The following SLC4A8 variants were observed in gnomAD, a reference collection of about 807,000 sequenced individuals.
SLC4A8 encodes electroneutral sodium bicarbonate exchanger 1.
Under a neutral mutation model 125.0 loss-of-function variants are expected in SLC4A8, and 40 were observed. The observed-to-expected ratio is 0.32, with a 90% CI of 0.25 to 0.42. The LOEUF is 0.42. Ranked by LOEUF, SLC4A8 falls within the 10% of genes least tolerant of loss-of-function variation. The pLI is 1.00. For missense variants in SLC4A8, 863 were observed against 1,355.1 expected (o/e 0.64, Z 5.70); for synonymous variants, 456 against 476.0 (o/e 0.96, Z 0.55).
At chr12:51,396,858 G>A (rs2137914116) in intron 1 of SLC4A8, among the ~76,000 whole-genome samples, 1 of 150,884 alleles carries the variant, frequency 6.6e-6, no homozygotes. Context: ...AAAACTCACA[G>A]CATTACTTTA....
In SLC4A8 at chr12:51,459,989, C is replaced by T. The variant is rs747037266; in HGVS notation, c.894C>T (p.Ala298=). The change falls in exon 8 of 25, where the codon GCC becomes GCT. Residue 298 remains alanine, a synonymous_variant. Transcript: ENST00000453097. The part of the protein sequence containing the change: ...LHFMKKIPTG[A]EASNVLVGEV... The stretch of plus-strand genomic sequence containing the variant: ...TCATGAAAAAAATTCCTACTGGGGC[C>T]GAGGCCTCCAATGTCCTGGTTGGAG... 2.1e-5 allele frequency: 34 copies of T among 1,613,668 alleles called. No individual in the cohort carries two copies. Among genetic ancestry groups the T allele is most frequent in the Admixed American group, 1.3e-4 (8 of 60,018 alleles).
intron 22 of SLC4A8, among the ~76,000 whole-genome samples, chr12:51,502,847 T>TC (rs1177039644): frequency 1.3e-5 from 2 of 149,584 alleles, no homozygotes; most frequent in African/African-American, 4.9e-5. Flanking sequence ...ATTTTTTTTT[T>TC]TTTTTTTTTG....
chr12:51,444,639 C>T (rs1372923025), intron 2 of SLC4A8, among the ~76,000 whole-genome samples: 1 of 152,158 alleles, frequency 6.6e-6, no homozygotes, highest in Non-Finnish European at 1.5e-5. Context: ...TAGTCCCTTT[C>T]TGCAGTAATA....
At chr12:51,495,998 G>C (rs1041323876) in intron 21 of SLC4A8, among the ~76,000 whole-genome samples, 2 of 152,166 alleles carry the variant, frequency 1.3e-5, no homozygotes, top group Non-Finnish European at 2.9e-5. Context: ...GTATATGCCA[G>C]GAGTGGAATT....
At chr12:51,459,924 T>A in intron 7 of SLC4A8, 27 bp from the exon 8 acceptor site, 1 of 1,589,550 alleles carries the variant, frequency 6.3e-7, no homozygotes, top group Non-Finnish European at 8.6e-7. Flanking sequence ...GTTCCCAAGT[T>A]GTCAGATGTT....
chr12:51,430,230 G>A (rs1949145292), intron 1 of SLC4A8, among the ~76,000 whole-genome samples: 2 of 152,074 alleles, frequency 1.3e-5, no homozygotes, highest in Admixed American at 1.3e-4. Context: ...CATGTCTTAT[G>A]ATGGACCTGA....
At chr12:51,440,418 T>C (rs1455102839) in intron 1 of SLC4A8, among the ~76,000 whole-genome samples, 1 of 151,944 alleles carries the variant, frequency 6.6e-6, no homozygotes, top group Non-Finnish European at 1.5e-5. Flanking sequence ...CTGTTTTTTT[T>C]TTTTTTTAAA....
At chr12:51,421,421 C>T (rs1272270409), upstream of SLC4A8, among the ~76,000 whole-genome samples, 1 of 152,204 alleles carries the variant, frequency 6.6e-6, no homozygotes, top group East Asian at 1.9e-4. Flanking sequence ...GCCTCTGTGG[C>T]CTACTTCCTT....
At chr12:51,425,330 G>A in intron 1 of SLC4A8, 2 of 1,238,418 alleles carry the variant, frequency 1.6e-6, no homozygotes, top group Non-Finnish European at 2.0e-6. Context: ...TTCTCCTCGC[G>A]TCTTTCTGTT....
At chr12:51,430,399 G>A (rs1314012688) in intron 1 of SLC4A8, among the ~76,000 whole-genome samples, 11 of 152,080 alleles carry the variant, frequency 7.2e-5, no homozygotes, top group Admixed American at 5.9e-4. Flanking sequence ...TTTATGGTAA[G>A]CAGTCAGTAA....
At chr12:51,466,874 A>G (rs1339448783) in intron 11 of SLC4A8, among the ~76,000 whole-genome samples, 1 of 152,004 alleles carries the variant, frequency 6.6e-6, no homozygotes, top group East Asian at 1.9e-4. Context: ...TCTGTTGCTC[A>G]CAGACACTCC....
intron 1 of SLC4A8, among the ~76,000 whole-genome samples, chr12:51,397,730 T>C (rs193072686): frequency 6.6e-6 from 1 of 151,978 alleles, no homozygotes; most frequent in African/African-American, 2.4e-5. Flanking sequence ...GGTGCATTTT[T>C]AAAAATCTTT....
At chr12:51,440,953 A>T (rs557917412) in intron 2 of SLC4A8, 164 bp downstream of exon 2, 3 of 945,274 alleles carry the variant, frequency 3.2e-6, no homozygotes, top group Non-Finnish European at 4.4e-6. Flanking sequence ...AAAAGTGGGG[A>T]TACTAATACT....
Position 51,470,496 on chromosome 12 carries a change from G to T in SLC4A8, c.1629G>T (p.Val543=). 1 of 1,613,666 alleles carries T rather than the reference G, an allele frequency of 6.2e-7. No homozygotes were observed. Among genetic ancestry groups the T allele is most frequent in the Non-Finnish European group, 8.5e-7 (1 of 1,179,640 alleles). Residue 543 remains valine (V), a synonymous_variant, in exon 13 of 25, where the codon GTG becomes GTT. Transcript: ENST00000453097. ...TGGGAAGTACTGGACCAGTGCTTGT[G>T]TTTGAAAAGATTTTGTTCAAATTCT... The part of the protein sequence containing the change: ...TILGSTGPVL[V]FEKILFKFCK...
chr12:51,424,190 T>G (rs2138021056), upstream of SLC4A8, among the ~76,000 whole-genome samples: 1 of 152,248 alleles, frequency 6.6e-6, no homozygotes, highest in East Asian at 1.9e-4. Context: ...TTATTCATGA[T>G]ATTCTAACCT....
chr12:51,505,091 TTAA>T (rs1435085922), intron 23 of SLC4A8, among the ~76,000 whole-genome samples: 19 of 152,352 alleles, frequency 1.2e-4, no homozygotes, highest in South Asian at 6.2e-4. Flanking sequence ...GTCTTGGTTC[TTAA>T]TAAACTTTCT....
chr12:51,490,540 G>A (rs1457664831), intron 19 of SLC4A8, among the ~76,000 whole-genome samples: 2 of 141,070 alleles, frequency 1.4e-5, no homozygotes, highest in South Asian at 2.3e-4. Flanking sequence ...TCCAGCCAGG[G>A]CAACAGAGCG....
rs763615325 is a variant in SLC4A8, at chr12:51,469,704, T to G, written c.1440T>G (p.Ala480=). The G allele has an allele frequency of 1.0e-4, 169 of 1,613,956 alleles. No individual in the cohort carries two copies. Among genetic ancestry groups the G allele is most frequent in the Non-Finnish European group, 1.3e-4 (151 of 1,180,030 alleles). The stretch of plus-strand genomic sequence containing the variant: ...ATGCACTCAGCTTACAGTGTTTGGC[T>G]TCCTTTCTGTTCCTGTACTGTGCCT... The part of the protein sequence containing the change: ...YRDALSLQCL[A]SFLFLYCACM... The change falls in exon 12 of 25, where the codon GCT becomes GCG. Residue 480 remains alanine, a synonymous_variant. Coordinates refer to ENST00000453097, the MANE Select transcript of SLC4A8 (RefSeq NM_001039960.3).
chr12:51,503,722 G>A (rs1194036538), intron 22 of SLC4A8, among the ~76,000 whole-genome samples: 4 of 152,134 alleles, frequency 2.6e-5, no homozygotes, highest in Admixed American at 1.3e-4. Flanking sequence ...TTTAGATTTT[G>A]CTAAATGTGT....
Sources: allele counts gnomAD v4.1 joint callset (sites outside exome capture counted in the v4.1 genomes callset), GRCh38; gene constraint gnomAD v4.1.1; transcripts MANE v1.5; gene names NCBI Gene and HGNC (gene_info 2026-07-23, HGNC 2026-07-21).